Variants in DENND1A observed in about 807,000 individuals in gnomAD.
DENND1A encodes DENN domain containing 1A, also known as DENN domain-containing protein 1A.
In DENND1A, 51 loss-of-function variants were observed where a neutral mutation model predicts 113.7. That is an observed-to-expected ratio of 0.45 (90% CI 0.36 to 0.57). The LOEUF (loss-of-function observed/expected upper bound fraction) is 0.57. Ranked by LOEUF, DENND1A falls within the 20% of genes least tolerant of loss-of-function variation. The probability of loss-of-function intolerance (pLI) is 0.00; values close to 1 mark genes in which losing one functional copy is unlikely to be tolerated. For synonymous variants in DENND1A, 565 were observed against 570.8 expected (o/e 0.99, Z 0.14); for missense variants, 1,258 against 1,395.9 (o/e 0.90, Z 1.57).
intron 19 of DENND1A, among the ~76,000 whole-genome samples, chr9:123,426,171 G>A (rs969560995): frequency 2.6e-5 from 4 of 152,284 alleles, no homozygotes; most frequent in South Asian, 2.1e-4. Flanking sequence ...GGCTGGGTAC[G>A]TCCTCTTGAC....
intron 10 of DENND1A, among the ~76,000 whole-genome samples, chr9:123,621,238 T>G (rs964768223): frequency 1.3e-5 from 2 of 150,358 alleles, no homozygotes; most frequent in Non-Finnish European, 3.0e-5. Flanking sequence ...CAGGCTGGAG[T>G]GCAGTGGCAC....
intron 1 of DENND1A, 108 bp from the exon 2 acceptor site, chr9:123,879,129 C>G (rs1847951070): frequency 9.3e-7 from 1 of 1,079,934 alleles, no homozygotes; most frequent in Non-Finnish European, 1.4e-6. Flanking sequence ...TAGCTCACAA[C>G]TTAATGGCCG....
At chr9:123,502,340 G>A (rs1564611876) in intron 13 of DENND1A, among the ~76,000 whole-genome samples, 1 of 152,108 alleles carries the variant, frequency 6.6e-6, no homozygotes, top group Non-Finnish European at 1.5e-5. Context: ...TAATTTCTGA[G>A]TCCTTTTTAA....
At chr9:123,837,759 A>G (rs990409508) in intron 2 of DENND1A, among the ~76,000 whole-genome samples, 5 of 152,216 alleles carry the variant, frequency 3.3e-5, no homozygotes, top group African/African-American at 1.2e-4. Flanking sequence ...ACCTGCCCAA[A>G]TGTAAAGACC....
chr9:123,867,394 T>C (rs1295067185), intron 2 of DENND1A, among the ~76,000 whole-genome samples: 1 of 152,146 alleles, frequency 6.6e-6, no homozygotes, highest in Admixed American at 6.5e-5. Context: ...AGTGTGATAA[T>C]AAGACCTCGG....
chr9:123,896,844 A>AGC (rs999851993), intron 1 of DENND1A, among the ~76,000 whole-genome samples: 2 of 152,190 alleles, frequency 1.3e-5, no homozygotes, highest in African/African-American at 4.8e-5. Context: ...AGAAAACAAA[A>AGC]GCTACACAAG....
chr9:123,853,140 G>A (rs1382443698), intron 2 of DENND1A, among the ~76,000 whole-genome samples: 1 of 149,986 alleles, frequency 6.7e-6, no homozygotes, highest in Non-Finnish European at 1.5e-5. Flanking sequence ...GGCTGGTCTC[G>A]AACTTCTGAC....
At chr9:123,929,585 G>A (rs1480418872) in intron 1 of DENND1A, among the ~76,000 whole-genome samples, 1 of 152,038 alleles carries the variant, frequency 6.6e-6, no homozygotes, top group Non-Finnish European at 1.5e-5. Context: ...CCCCACAGTT[G>A]AAGGACCATT....
chr9:123,605,122 C>T (rs1293175016), intron 11 of DENND1A, among the ~76,000 whole-genome samples: 1 of 152,156 alleles, frequency 6.6e-6, no homozygotes, highest in East Asian at 1.9e-4. Context: ...TTCACTGCCC[C>T]TGTGTATGGG....
chr9:123,623,902 C>T (rs973336072), intron 10 of DENND1A, among the ~76,000 whole-genome samples: 8 of 152,168 alleles, frequency 5.3e-5, no homozygotes, highest in Non-Finnish European at 7.3e-5. Flanking sequence ...CAGAAGTCAA[C>T]GAAGACTTCA....
intron 5 of DENND1A, among the ~76,000 whole-genome samples, chr9:123,728,810 C>CA: frequency 6.6e-6 from 1 of 151,952 alleles, no homozygotes; most frequent in Non-Finnish European, 1.5e-5. Flanking sequence ...AGAGACACAA[C>CA]AAAAAAAGGA....
chr9:123,464,514 T>C (rs1362479530), intron 13 of DENND1A, among the ~76,000 whole-genome samples: 1 of 152,188 alleles, frequency 6.6e-6, no homozygotes, highest in Non-Finnish European at 1.5e-5. Flanking sequence ...GTTCCACTTG[T>C]ATGAGGTACC....
At chr9:123,767,972 G>T (rs2131598654) in intron 4 of DENND1A, among the ~76,000 whole-genome samples, 1 of 152,164 alleles carries the variant, frequency 6.6e-6, no homozygotes, top group Admixed American at 6.5e-5. Flanking sequence ...CATTTTATAA[G>T]TGGCTGGAGG....
intron 5 of DENND1A, among the ~76,000 whole-genome samples, chr9:123,733,826 C>T (rs1302317756): frequency 6.6e-6 from 1 of 151,538 alleles, no homozygotes; most frequent in Admixed American, 6.6e-5. Flanking sequence ...CCACCATGAC[C>T]AGCTAATTTT....
At chr9:123,592,467 T>G (rs901511885) in intron 11 of DENND1A, among the ~76,000 whole-genome samples, 9 of 152,174 alleles carry the variant, frequency 5.9e-5, no homozygotes, top group African/African-American at 1.7e-4. Flanking sequence ...CCTATCTGTA[T>G]AATGAGATAA....
At chr9:123,798,958 A>G (rs907397454) in intron 2 of DENND1A, among the ~76,000 whole-genome samples, 1 of 152,076 alleles carries the variant, frequency 6.6e-6, no homozygotes, top group Non-Finnish European at 1.5e-5. Flanking sequence ...TAATTTCTCT[A>G]TGAGTTAGGA....
At chr9:123,510,248 C>T (rs969785186) in intron 13 of DENND1A, among the ~76,000 whole-genome samples, 1 of 152,220 alleles carries the variant, frequency 6.6e-6, no homozygotes, top group Non-Finnish European at 1.5e-5. Context: ...CTTGTATTAC[C>T]CCAGAGCTGG....
chr9:123,615,601 C>T (rs2060614786), intron 10 of DENND1A, among the ~76,000 whole-genome samples: 1 of 152,244 alleles, frequency 6.6e-6, no homozygotes, highest in African/African-American at 2.4e-5. Flanking sequence ...CCACAGGCCT[C>T]AGCTTCACTA....
chr9:123,486,356 T>C (rs2050865696), intron 13 of DENND1A, among the ~76,000 whole-genome samples: 2 of 152,052 alleles, frequency 1.3e-5, no homozygotes, highest in African/African-American at 4.8e-5. Context: ...ATGCCAGCGC[T>C]GTGGGGCATC....
Sources: gnomAD v4.1 joint callset for allele counts (sites outside exome capture counted in the v4.1 genomes callset) on GRCh38, gnomAD v4.1.1 for gene constraint, MANE v1.5 for transcripts, NCBI Gene and HGNC (gene_info 2026-07-23, HGNC 2026-07-21) for gene names.